ATAD2B: variants seen among roughly 807,000 people sequenced by gnomAD.
ATAD2B encodes the protein ATPase family AAA domain containing 2B.
In ATAD2B, 40 loss-of-function variants were observed where a neutral mutation model predicts 167.6. The observed-to-expected ratio is 0.24, with a 90% CI of 0.19 to 0.31. The LOEUF is 0.31. Ranked by LOEUF, ATAD2B falls within the 10% of genes least tolerant of loss-of-function variation. ATAD2B has a pLI of 1.00. For synonymous variants in ATAD2B, 579 were observed against 596.5 expected, an observed-to-expected ratio of 0.97 and a Z score of 0.43; for missense variants, 1,242 against 1,757.2, an observed-to-expected ratio of 0.71 and a Z score of 5.24.
intron 13 of ATAD2B, chr2:23,856,476 A>G (rs762703201): frequency 5.8e-5 from 24 of 414,768 alleles, no homozygotes; most frequent in Non-Finnish European, 1.1e-4. Context: ...CTCCCATCAG[A>G]TGGTAGATTG....
At chr2:23,768,719 T>C (rs1677832235) in intron 22 of ATAD2B, among the ~76,000 whole-genome samples, 1 of 152,226 alleles carries the variant, frequency 6.6e-6, no homozygotes, top group South Asian at 2.1e-4. Flanking sequence ...GTTTATATTT[T>C]CTAGAATTAT....
chr2:23,900,396 C>G (rs555106194), intron 1 of ATAD2B, among the ~76,000 whole-genome samples: 1 of 152,250 alleles, frequency 6.6e-6, no homozygotes. Flanking sequence ...CTCATCCACT[C>G]CAACCTGGTA....
chr2:23,859,746 G>A (rs1445897323), intron 12 of ATAD2B, among the ~76,000 whole-genome samples: 5 of 151,798 alleles, frequency 3.3e-5, no homozygotes, highest in Admixed American at 6.6e-5. Context: ...TCAGAAGTTC[G>A]AGACCAGCCT....
intron 7 of ATAD2B, among the ~76,000 whole-genome samples, chr2:23,879,467 A>T (rs1299755791): frequency 1.3e-5 from 2 of 152,100 alleles, no homozygotes; most frequent in African/African-American, 4.8e-5. Context: ...TTAGCTAGGC[A>T]TGGTGGTTGT....
intron 8 of ATAD2B, chr2:23,872,158 G>T: frequency 6.9e-6 from 2 of 289,380 alleles, no homozygotes; most frequent in Non-Finnish European, 6.8e-6. Flanking sequence ...TTACAGGCAT[G>T]AGCCACCATG....
intron 14 of ATAD2B, among the ~76,000 whole-genome samples, chr2:23,829,531 G>T (rs992347442): frequency 6.6e-6 from 1 of 152,074 alleles, no homozygotes; most frequent in African/African-American, 2.4e-5. Context: ...TAGGAGGATC[G>T]TTTATGTCCA....
chr2:23,783,752 A>C (rs1680401252), intron 21 of ATAD2B, among the ~76,000 whole-genome samples: 1 of 152,134 alleles, frequency 6.6e-6, no homozygotes, highest in Admixed American at 6.5e-5. Context: ...TTAGCAACTT[A>C]TGTATCTACT....
Position 23,788,270 on chromosome 2 carries a change from A to G in ATAD2B, c.2776+242T>C, listed in dbSNP as rs556810092. On this transcript the variant is annotated intron_variant, in intron 20 of 27. Transcript: ENST00000238789. ...TTTTGAGCCCCATAATGTGACATCTACCACAGGATGTGGTTGAAGTCATAA... is the reference window on the plus strand; with the variant it reads ...TTTTGAGCCCCATAATGTGACATCTGCCACAGGATGTGGTTGAAGTCATAA... The G allele has an allele frequency of 3.2e-5, 14 of 443,832 alleles. No individual in the cohort carries two copies. The East Asian group carries it at 4.7e-4, about 15-fold the overall frequency. 27.5% of individuals were successfully genotyped at this position (443,832 alleles called of 1,614,324 possible).
Position 23,782,958 on chromosome 2 carries a change from T to C in ATAD2B, c.3044A>G (p.His1015Arg). The C allele has an allele frequency of 6.2e-7, 1 of 1,601,440 alleles. No individual in the cohort carries two copies. Among genetic ancestry groups the C allele is most frequent in the East Asian group, 2.2e-5 (1 of 44,676 alleles). The stretch of plus-strand genomic sequence containing the variant: ...GAAATCCTTTGCAGTCAGGTAATTA[T>C]GTTTATCAATTTTAGTTATTACTGT... ...LSTVITKIDK[H>R]NYLTAKDFLK... Residue 1015 changes from histidine (H) to arginine (R), a missense_variant, in exon 22 of 28, where the codon CAT becomes CGT. By Grantham distance (29) the His-to-Arg change is conservative. This residue lies in a region of ATAD2B where 204 missense variants were observed against 324.0 expected (regional missense o/e 0.63). Coordinates refer to ENST00000238789, the MANE Select transcript of ATAD2B (RefSeq NM_017552.4).
chr2:23,809,664 A>C (rs1433218370), intron 18 of ATAD2B, among the ~76,000 whole-genome samples: 1 of 152,178 alleles, frequency 6.6e-6, no homozygotes, highest in Non-Finnish European at 1.5e-5. Flanking sequence ...ACTATCAGCT[A>C]GACACCTTGT....
chr2:23,879,730 G>A (rs1697571613), intron 7 of ATAD2B, among the ~76,000 whole-genome samples: 2 of 152,006 alleles, frequency 1.3e-5, no homozygotes, highest in Non-Finnish European at 2.9e-5. Context: ...TGTGACCTCG[G>A]GTAAGTCACT....
At chr2:23,807,977 ATATT>A (rs1410797959) in intron 18 of ATAD2B, among the ~76,000 whole-genome samples, 1 of 124,004 alleles carries the variant, frequency 8.1e-6, no homozygotes, top group African/African-American at 3.2e-5. Flanking sequence ...TATTATAAAT[ATATT>A]TATATATAAA....
At chr2:23,803,303 CAT>C (rs1572820426) in intron 18 of ATAD2B, among the ~76,000 whole-genome samples, 1 of 148,366 alleles carries the variant, frequency 6.7e-6, no homozygotes, top group Admixed American at 6.7e-5. Flanking sequence ...TGCTCAGTAA[CAT>C]ATGTGTGTAC....
intron 19 of ATAD2B, among the ~76,000 whole-genome samples, chr2:23,789,817 TG>T (rs1681381633): frequency 6.6e-6 from 1 of 152,262 alleles, no homozygotes; most frequent in South Asian, 2.1e-4. Context: ...ATTTTACAGA[TG>T]GGGAAACTGG....
the ATAD2B span, chr2:23,706,719 A>C: frequency 7.6e-7 from 1 of 1,316,614 alleles, no homozygotes; most frequent in Non-Finnish European, 1.0e-6. Context: ...GGCAAGTGCC[A>C]CGCAATGATA....
chr2:23,765,109 A>G (rs1677230069), intron 23 of ATAD2B, among the ~76,000 whole-genome samples: 2 of 152,218 alleles, frequency 1.3e-5, no homozygotes, highest in Admixed American at 1.3e-4. Flanking sequence ...TAATAACAAA[A>G]TTGCATATAA....
chr2:23,773,734 C>CA (rs1322463880), intron 22 of ATAD2B, among the ~76,000 whole-genome samples: 2 of 151,940 alleles, frequency 1.3e-5, no homozygotes, highest in Non-Finnish European at 2.9e-5. Flanking sequence ...ATAAGCACAG[C>CA]AAAAAAACCC....
the ATAD2B span, among the ~76,000 whole-genome samples, chr2:23,678,935 G>A: frequency 6.6e-6 from 1 of 152,116 alleles, no homozygotes. Context: ...GTTGTTTAAT[G>A]GGTGTGGAGT....
intron 2 of ATAD2B, among the ~76,000 whole-genome samples, chr2:23,895,613 A>G (rs1199834804): frequency 6.6e-6 from 1 of 152,198 alleles, no homozygotes; most frequent in Non-Finnish European, 1.5e-5. Context: ...TACTTATGGT[A>G]ATTTCTATTA....
Sources: allele counts gnomAD v4.1 joint callset (sites outside exome capture counted in the v4.1 genomes callset), GRCh38; gene constraint gnomAD v4.1.1; regional missense constraint gnomAD v4.1.1; transcripts MANE v1.5; gene names NCBI Gene and HGNC (gene_info 2026-07-23, HGNC 2026-07-21).